The following SIL1 variants were observed in gnomAD, a reference collection of about 807,000 sequenced individuals.
SIL1 encodes nucleotide exchange factor SIL1.
Under a neutral mutation model 49.1 loss-of-function variants are expected in SIL1, and 40 were observed. The observed-to-expected ratio is 0.81, with a 90% CI of 0.63 to 1.06. The LOEUF is 1.06. SIL1 is among the 50% of genes least tolerant of loss of function. The pLI is 0.00. For missense variants in SIL1, 500 were observed against 572.6 expected (o/e 0.87, Z 1.29); for synonymous variants, 253 against 250.8 (o/e 1.01, Z -0.08).
intron 1 of SIL1, chr5:139,133,509 C>T (rs1026927555): frequency 2.0e-5 from 3 of 152,174 alleles, no homozygotes; most frequent in African/African-American, 7.2e-5. Context: ...TGTCTTTTCT[C>T]CAGAATGGAA....
At chr5:138,987,008 C>T (rs961169307) in intron 7 of SIL1, among the ~76,000 whole-genome samples, 4 of 151,200 alleles carry the variant, frequency 2.6e-5, no homozygotes, top group Non-Finnish European at 5.9e-5. Flanking sequence ...AACATAGGTA[C>T]CTAAAACATG....
intron 3 of SIL1, among the ~76,000 whole-genome samples, chr5:139,059,461 C>T (rs2150463475): frequency 6.6e-6 from 1 of 152,264 alleles, no homozygotes; most frequent in African/African-American, 2.4e-5. Flanking sequence ...TTATTAGCAG[C>T]ATGGAAACTA....
intron 2 of SIL1, among the ~76,000 whole-genome samples, chr5:139,124,137 A>G (rs1336456743): frequency 1.3e-5 from 2 of 152,196 alleles, no homozygotes; most frequent in African/African-American, 2.4e-5. Flanking sequence ...AGAAGCAGAA[A>G]GGGGTAAGGG....
intron 8 of SIL1, among the ~76,000 whole-genome samples, 167 bp downstream of exon 8, chr5:138,951,621 G>A (rs1305982248): frequency 1.3e-5 from 2 of 152,152 alleles, no homozygotes; most frequent in African/African-American, 2.4e-5. Context: ...TAGTCACCTC[G>A]GCACACTGCC....
At chr5:139,120,750 G>C (rs1319879752) in intron 3 of SIL1, among the ~76,000 whole-genome samples, 1 of 152,204 alleles carries the variant, frequency 6.6e-6, no homozygotes, top group Non-Finnish European at 1.5e-5. Flanking sequence ...TGCCTCTCTG[G>C]TGCTTCAGAA....
chr5:139,187,988 G>A (rs1752105401), intron 1 of SIL1: 1 of 152,992 alleles, frequency 6.5e-6, no homozygotes, highest in Non-Finnish European at 1.5e-5. Flanking sequence ...AGACGTGCCA[G>A]CTTCCCCTTC....
intron 3 of SIL1, among the ~76,000 whole-genome samples, chr5:139,077,443 T>C (rs1769977315): frequency 6.6e-6 from 1 of 152,186 alleles, no homozygotes; most frequent in Non-Finnish European, 1.5e-5. Flanking sequence ...TTTTAGACAC[T>C]TTACAGTGAC....
At chr5:139,149,337 C>T (rs1751254410) in intron 1 of SIL1, among the ~76,000 whole-genome samples, 1 of 152,176 alleles carries the variant, frequency 6.6e-6, no homozygotes, top group Admixed American at 6.5e-5. Flanking sequence ...GATGAATAAA[C>T]CCATACTGCC....
chr5:139,128,344 C>A (rs1750795639), intron 1 of SIL1, among the ~76,000 whole-genome samples: 1 of 152,150 alleles, frequency 6.6e-6, no homozygotes, highest in Non-Finnish European at 1.5e-5. Context: ...CCTCTCACAT[C>A]AGCTTTCAAA....
chr5:139,107,857 T>C (rs1770751460), intron 3 of SIL1: 1 of 152,236 alleles, frequency 6.6e-6, no homozygotes, highest in Admixed American at 6.5e-5. Flanking sequence ...AATAACCCTC[T>C]GAAGTAGGCA....
At chr5:139,027,591 T>C (rs1768688101) in intron 5 of SIL1, among the ~76,000 whole-genome samples, 1 of 152,250 alleles carries the variant, frequency 6.6e-6, no homozygotes, top group African/African-American at 2.4e-5. Flanking sequence ...ATATGTACTA[T>C]ACTCAAATCT....
Position 139,143,300 on chromosome 5 carries a change from C to CATAT in SIL1, c.-10-15451_-10-15448dup, listed in dbSNP as rs201294202. On this transcript the variant is annotated intron_variant, in intron 1 of 9. Coordinates refer to ENST00000394817, the MANE Select transcript of SIL1 (RefSeq NM_022464.5). ...ATATGTATATACACATGTGTATATA[C>CATAT]ATATATACACACACACACACACACA... 1.6e-3 allele frequency among the ~76,000 whole-genome samples: 121 copies of CATAT among 76,038 alleles called. 1 individual carries two copies. Among genetic ancestry groups the CATAT allele is most frequent in the African/African-American group, 7.5e-3 (116 of 15,488 alleles). The allele number at this position is 76,038 out of a possible 152,430, so 49.9% of individuals were successfully genotyped here. A position where few individuals can be genotyped will look rare whatever the true frequency, so the allele number is the denominator to read the frequency against.
intron 7 of SIL1, among the ~76,000 whole-genome samples, chr5:138,978,600 T>C (rs1767443157): frequency 6.6e-6 from 1 of 152,266 alleles, no homozygotes; most frequent in African/African-American, 2.4e-5. Flanking sequence ...GTTTAACTAT[T>C]TGAAGAACTA....
intron 1 of SIL1, chr5:139,128,177 A>G: frequency 2.7e-6 from 1 of 373,912 alleles, no homozygotes; most frequent in East Asian, 6.9e-5. Context: ...GAGAGAGGGA[A>G]ACTAACCAAC....
At chr5:139,081,705 C>G (rs760663822) in intron 3 of SIL1, among the ~76,000 whole-genome samples, 2 of 151,708 alleles carry the variant, frequency 1.3e-5, no homozygotes, top group Non-Finnish European at 2.9e-5. Context: ...ATGGTGAAAC[C>G]CCATCTCTAC....
chr5:139,032,304 G>A (rs1768811388), intron 5 of SIL1, among the ~76,000 whole-genome samples: 1 of 152,166 alleles, frequency 6.6e-6, no homozygotes, highest in Non-Finnish European at 1.5e-5. Context: ...TGCTCTTTGT[G>A]TATTAACTGA....
chr5:139,002,583 G>C (rs1245588093), intron 7 of SIL1, among the ~76,000 whole-genome samples: 1 of 152,156 alleles, frequency 6.6e-6, no homozygotes, highest in Non-Finnish European at 1.5e-5. Context: ...AAGGATGAAA[G>C]AGAAATACAA....
intron 7 of SIL1, among the ~76,000 whole-genome samples, chr5:138,980,816 G>C (rs1767501801): frequency 6.6e-6 from 1 of 152,134 alleles, no homozygotes; most frequent in Admixed American, 6.6e-5. Context: ...CTCCCCAGTG[G>C]CAGAGTCCCT....
At position 139,121,141 on chromosome 5, in the gene SIL1, G is replaced by A; in HGVS notation, c.138C>T (p.Ser46=). Residue 46 remains serine, a synonymous_variant, in exon 3 of 10, where the codon AGC becomes AGT. Transcript: ENST00000394817. ...KEFALTNPEK[S]STKETERKET... The stretch of plus-strand genomic sequence containing the variant: ...CTTTTCTCTCTGTTTCTTTGGTGCT[G>A]CTCTTCTCTGGGTTGGTCAGGGCAA... 1.2e-6 allele frequency: 2 copies of A among 1,614,186 alleles called. No homozygotes were observed. Among genetic ancestry groups the A allele is most frequent in the Non-Finnish European group, 1.7e-6 (2 of 1,180,030 alleles).
Sources: allele counts gnomAD v4.1 joint callset (sites outside exome capture counted in the v4.1 genomes callset), GRCh38; gene constraint gnomAD v4.1.1; transcripts MANE v1.5; gene names NCBI Gene and HGNC (gene_info 2026-07-23, HGNC 2026-07-21).